LRRK2: variants seen among roughly 807,000 people sequenced by gnomAD.
The protein encoded by LRRK2 is leucine-rich repeat serine/threonine-protein kinase 2.
In LRRK2, 203 loss-of-function variants were observed where a neutral mutation model predicts 302.6. That is an observed-to-expected ratio of 0.67 (90% CI 0.60 to 0.75). The LOEUF is 0.75. Among genes scored for constraint, LRRK2 ranks in the 30% least tolerant of loss-of-function variants. The pLI is 0.00. For missense variants in LRRK2, 2,830 were observed against 2,951.0 expected, an observed-to-expected ratio of 0.96 and a Z score of 0.95; for synonymous variants, 1,066 against 1,031.9, an observed-to-expected ratio of 1.03 and a Z score of -0.63.
intron 7 of LRRK2, among the ~76,000 whole-genome samples, chr12:40,246,003 A>G (rs1194219428): frequency 6.6e-6 from 1 of 151,944 alleles, no homozygotes; most frequent in Admixed American, 6.6e-5. Context: ...AGAGCCATTG[A>G]TACTAGACAT....
At chr12:40,334,232 G>T (rs1051211544) in intron 39 of LRRK2, among the ~76,000 whole-genome samples, 1 of 152,114 alleles carries the variant, frequency 6.6e-6, no homozygotes, top group African/African-American at 2.4e-5. Flanking sequence ...AGTTTGACGT[G>T]GCCTGTTAGT....
intron 46 of LRRK2, among the ~76,000 whole-genome samples, chr12:40,356,827 A>G (rs979441804): frequency 6.6e-6 from 1 of 152,206 alleles, no homozygotes; most frequent in African/African-American, 2.4e-5. Context: ...TTTATGTATA[A>G]TATTTGTACA....
intron 28 of LRRK2, among the ~76,000 whole-genome samples, chr12:40,308,078 C>T (rs1042355175): frequency 5.3e-5 from 8 of 151,750 alleles, no homozygotes; most frequent in East Asian, 3.9e-4. Flanking sequence ...CCGCACCTGG[C>T]GTATAATTTG....
At chr12:40,360,176 G>A (rs1946661662) in intron 47 of LRRK2, among the ~76,000 whole-genome samples, 1 of 152,028 alleles carries the variant, frequency 6.6e-6, no homozygotes, top group African/African-American at 2.4e-5. Context: ...CCTGAGGATT[G>A]TAATATTCTC....
chr12:40,337,658 C>T (rs561898721), intron 40 of LRRK2, among the ~76,000 whole-genome samples: 4 of 152,230 alleles, frequency 2.6e-5, no homozygotes, highest in African/African-American at 9.6e-5. Context: ...TTCAGTATGT[C>T]CAGGGAATTA....
At chr12:40,363,981 C>T (rs1193523969) in intron 48 of LRRK2, among the ~76,000 whole-genome samples, 1 of 151,788 alleles carries the variant, frequency 6.6e-6, no homozygotes, top group Non-Finnish European at 1.5e-5. Context: ...CTGACCGAGG[C>T]GCTAAGGAGT....
At chr12:40,255,911 GA>G (rs1942479011) in intron 11 of LRRK2, among the ~76,000 whole-genome samples, 1 of 152,150 alleles carries the variant, frequency 6.6e-6, no homozygotes, top group Non-Finnish European at 1.5e-5. Context: ...CAGTATTTTA[GA>G]ATGTGTATGT....
intron 35 of LRRK2, 73 bp from the exon 36 acceptor site, chr12:40,321,962 C>T: frequency 2.1e-6 from 3 of 1,445,678 alleles, no homozygotes; most frequent in Non-Finnish European, 2.9e-6. Flanking sequence ...ATTACAATCA[C>T]TTGTGTTGTG....
At chr12:40,354,612 C>A in intron 45 of LRRK2, 120 bp downstream of exon 45, 3 of 925,436 alleles carry the variant, frequency 3.2e-6, no homozygotes, top group Admixed American at 2.0e-5. Context: ...CATTGGTTTG[C>A]ATATATTAAA....
At chr12:40,275,085 A>T in intron 16 of LRRK2, 92 bp downstream of exon 16, 1 of 1,323,370 alleles carries the variant, frequency 7.6e-7, no homozygotes, top group Non-Finnish European at 1.1e-6. Flanking sequence ...TGAATGGGGT[A>T]TTCTAGTTAA....
intron 14 of LRRK2, among the ~76,000 whole-genome samples, chr12:40,273,073 C>G (rs10878299): frequency 0.11 from 16,596 of 152,126 alleles, 1,182 homozygotes; most frequent in African/African-American, 0.18. Context: ...TATAACAACC[C>G]TACATTATTA....
intron 1 of LRRK2, 23 bp from the exon 2 acceptor site, chr12:40,225,532 T>C (rs201256581): frequency 1.2e-6 from 2 of 1,601,480 alleles, no homozygotes; most frequent in Non-Finnish European, 1.7e-6. Context: ...TTTGCTTCTT[T>C]TCCCCACCCA....
intron 19 of LRRK2, chr12:40,286,532 T>G (rs1565713669): frequency 6.6e-6 from 1 of 152,012 alleles, no homozygotes; most frequent in Non-Finnish European, 1.5e-5. Context: ...TTATCTACAC[T>G]TCACAGGGGT....
chr12:40,364,516 CT>C (rs35403247), intron 48 of LRRK2, among the ~76,000 whole-genome samples: 12 of 150,068 alleles, frequency 8.0e-5, no homozygotes, highest in South Asian at 4.2e-4. Flanking sequence ...TTGACTCTAA[CT>C]TTTTTTTTTC....
intron 14 of LRRK2, among the ~76,000 whole-genome samples, chr12:40,265,065 A>T (rs17443600): frequency 0.033 from 5,021 of 152,270 alleles, 234 homozygotes; most frequent in South Asian, 0.12. Context: ...CTCCCTTAAA[A>T]ATTCATTTTA....
intron 14 of LRRK2, among the ~76,000 whole-genome samples, chr12:40,266,917 C>G (rs534643407): frequency 7.1e-6 from 1 of 141,444 alleles, no homozygotes; most frequent in South Asian, 2.2e-4. Flanking sequence ...TGTTCTCACT[C>G]ATAAGTGGGA....
chr12:40,290,521 T>C (rs1944103380), intron 20 of LRRK2, among the ~76,000 whole-genome samples: 1 of 152,068 alleles, frequency 6.6e-6, no homozygotes, highest in Non-Finnish European at 1.5e-5. Context: ...ATCTAGGTTT[T>C]AAATTTTTGT....
chr12:40,333,622 C>T (rs1276219495), intron 39 of LRRK2, among the ~76,000 whole-genome samples: 6 of 151,872 alleles, frequency 4.0e-5, no homozygotes, highest in Admixed American at 3.9e-4. Flanking sequence ...AGTGGCCTGC[C>T]ATGGGCCACC....
chr12:40,363,850 A>G (rs1450096775), intron 48 of LRRK2, among the ~76,000 whole-genome samples: 1 of 152,044 alleles, frequency 6.6e-6, no homozygotes, highest in Non-Finnish European at 1.5e-5. Flanking sequence ...GCTAGCTTTG[A>G]CATAGTTCTG....
Sources: gnomAD v4.1 joint callset for allele counts (sites outside exome capture counted in the v4.1 genomes callset) on GRCh38, gnomAD v4.1.1 for gene constraint, MANE v1.5 for transcripts, NCBI Gene and HGNC (gene_info 2026-07-23, HGNC 2026-07-21) for gene names.